The following ZNF804A variants were observed in gnomAD, a reference collection of about 807,000 sequenced individuals.
The protein encoded by ZNF804A is zinc finger protein 804A.
A neutral mutation model predicts 16.5 loss-of-function variants in ZNF804A; 2 were observed. The observed-to-expected ratio is 0.12, with a 90% CI of 0.05 to 0.38. The LOEUF (loss-of-function observed/expected upper bound fraction) is 0.38, where lower values mean the gene tolerates loss of function less well. Among genes scored for constraint, ZNF804A ranks in the 10% least tolerant of loss-of-function variants. The pLI, the probability that ZNF804A is intolerant of heterozygous loss-of-function variation, is 0.99. For missense variants in ZNF804A, 1,473 were observed against 1,390.7 expected (o/e 1.06, Z -0.94); for synonymous variants, 534 against 489.6 (o/e 1.09, Z -1.20).
intron 1 of ZNF804A, among the ~76,000 whole-genome samples, chr2:184,661,604 C>T (rs1428111244): frequency 6.6e-6 from 1 of 152,104 alleles, no homozygotes; most frequent in Non-Finnish European, 1.5e-5. Flanking sequence ...AAGCACCATT[C>T]AATTGGTTAA....
At chr2:184,685,014 C>T (rs1692605275) in intron 1 of ZNF804A, among the ~76,000 whole-genome samples, 2 of 152,202 alleles carry the variant, frequency 1.3e-5, no homozygotes, top group Admixed American at 6.5e-5. Context: ...CCACCAGGCT[C>T]CTCTCAGCTC....
intron 1 of ZNF804A, among the ~76,000 whole-genome samples, chr2:184,760,576 A>T (rs1222211829): frequency 6.6e-6 from 1 of 152,116 alleles, no homozygotes; most frequent in Non-Finnish European, 1.5e-5. Context: ...GGCCAAACAT[A>T]TGGTAGCATA....
chr2:184,637,458 TTC>T (rs1411320952), intron 1 of ZNF804A, among the ~76,000 whole-genome samples: 2 of 152,204 alleles, frequency 1.3e-5, no homozygotes, highest in Non-Finnish European at 2.9e-5. Flanking sequence ...AAAAGATGTT[TTC>T]TGTTTAACGA....
chr2:184,644,393 A>T (rs1056742230), intron 1 of ZNF804A, among the ~76,000 whole-genome samples: 1 of 151,774 alleles, frequency 6.6e-6, no homozygotes, highest in Non-Finnish European at 1.5e-5. Context: ...GTGTTTTAGT[A>T]ATTTTTTAAA....
chr2:184,886,920 G>A (rs1216281655), intron 2 of ZNF804A, among the ~76,000 whole-genome samples: 1 of 152,204 alleles, frequency 6.6e-6, no homozygotes, highest in Non-Finnish European at 1.5e-5. Flanking sequence ...TTTCCCCATG[G>A]TTTTTGGGAT....
At chr2:184,896,986 G>C (rs1685079352) in intron 2 of ZNF804A, among the ~76,000 whole-genome samples, 1 of 151,946 alleles carries the variant, frequency 6.6e-6, no homozygotes, top group South Asian at 2.1e-4. Flanking sequence ...TTTATTGGTT[G>C]CTTAATGTTA....
At chr2:184,850,158 A>T (rs1233252332) in intron 1 of ZNF804A, among the ~76,000 whole-genome samples, 1 of 151,844 alleles carries the variant, frequency 6.6e-6, no homozygotes, top group Non-Finnish European at 1.5e-5. Context: ...ATTTGATAGC[A>T]CAACAGGATG....
At chr2:184,890,187 C>A (rs910272907) in intron 2 of ZNF804A, among the ~76,000 whole-genome samples, 1 of 152,056 alleles carries the variant, frequency 6.6e-6, no homozygotes, top group Non-Finnish European at 1.5e-5. Context: ...AAAAAAACTT[C>A]TTTTTATAGC....
chr2:184,838,233 A>G (rs1008187070), intron 1 of ZNF804A, among the ~76,000 whole-genome samples: 1 of 152,220 alleles, frequency 6.6e-6, no homozygotes, highest in East Asian at 1.9e-4. Context: ...ATTAGAACCC[A>G]TTATTATCAG....
At chr2:184,661,676 C>T (rs1218295324) in intron 1 of ZNF804A, among the ~76,000 whole-genome samples, 2 of 152,152 alleles carry the variant, frequency 1.3e-5, no homozygotes, top group African/African-American at 4.8e-5. Context: ...TGGAAGTTCT[C>T]ACTTTGGTCA....
Position 184,933,687 on chromosome 2 carries a change from C to G in ZNF804A, c.340C>G (p.Leu114Val). 2 of 1,610,076 alleles carry G rather than the reference C, an allele frequency of 1.2e-6. No individual in the cohort carries two copies. Among genetic ancestry groups the G allele is most frequent in the Non-Finnish European group, 1.7e-6 (2 of 1,178,584 alleles). The change falls in exon 3 of 4, where the codon CTC (leucine) becomes GTC (valine). Residue 114 changes from leucine (L) to valine (V), a missense_variant. Transcript: ENST00000302277. ...RKDERKQEKA[L>V]QRLHKLAELR... ...AGATGAAAGAAAACAGGAAAAGGCA[C>G]TCCAACGCCTGCACAAGCTGGCTGA...
At chr2:184,812,520 G>T (rs903303081) in intron 1 of ZNF804A, among the ~76,000 whole-genome samples, 4 of 152,140 alleles carry the variant, frequency 2.6e-5, no homozygotes, top group Admixed American at 6.5e-5. Flanking sequence ...GAAGATCACA[G>T]AGGAAAAGCG....
intron 1 of ZNF804A, among the ~76,000 whole-genome samples, chr2:184,603,032 A>T (rs923644624): frequency 6.6e-6 from 1 of 152,176 alleles, no homozygotes; most frequent in Non-Finnish European, 1.5e-5. Flanking sequence ...CATCCTCCAC[A>T]TGCAAATATC....
At chr2:184,852,582 A>T (rs75535815) in intron 1 of ZNF804A, among the ~76,000 whole-genome samples, 1 of 150,026 alleles carries the variant, frequency 6.7e-6, no homozygotes, top group African/African-American at 2.4e-5. Flanking sequence ...TTACAGTGTC[A>T]GGGCTTATGC....
At chr2:184,628,227 A>G (rs1324263961) in intron 1 of ZNF804A, among the ~76,000 whole-genome samples, 2 of 152,126 alleles carry the variant, frequency 1.3e-5, no homozygotes, top group Admixed American at 6.6e-5. Context: ...AGGCAGGATA[A>G]TCGCTTGAAC....
At position 184,935,968 on chromosome 2, in the gene ZNF804A, A is replaced by G; in HGVS notation, c.572A>G (p.Asn191Ser). The G allele has an allele frequency of 6.2e-7, 1 of 1,613,992 alleles. No individual in the cohort carries two copies. The highest frequency in any genetic ancestry group is 8.5e-7 in the Non-Finnish European group (1 of 1,179,938). The change falls in exon 4 of 4, where the codon AAT becomes AGT. Residue 191 changes from asparagine to serine, a missense_variant. Physicochemically the swap from Asn to Ser is conservative, Grantham distance 46. Transcript: ENST00000302277. ...GTTGCTGAAGATCCAGAAAGTGCAAATAATTATACAGCAAAAAATAACCAA... is the reference window on the plus strand; with the variant it reads ...GTTGCTGAAGATCCAGAAAGTGCAAGTAATTATACAGCAAAAAATAACCAA... ...TTVAEDPESA[N>S]NYTAKNNQVG...
chr2:184,758,294 A>G lies in ZNF804A; in HGVS notation c.112-108075A>G, dbSNP rs530910184. Among the ~76,000 whole-genome samples the G allele has an allele frequency of 5.3e-5, 8 of 152,104 alleles. No individual in the cohort carries two copies. In the East Asian group the frequency reaches 1.4e-3, roughly 26 times the overall value. ...TAGGTAATATAAAAATGTTCTGATGATACAAATAAATATCAATAATGGCAC... is the reference window on the plus strand; with the variant it reads ...TAGGTAATATAAAAATGTTCTGATGGTACAAATAAATATCAATAATGGCAC... On this transcript the variant is annotated intron_variant, in intron 1 of 3. Transcript: ENST00000302277.
chr2:184,691,784 T>A (rs1574164961), intron 1 of ZNF804A, among the ~76,000 whole-genome samples: 1 of 151,918 alleles, frequency 6.6e-6, no homozygotes, highest in East Asian at 1.9e-4. Flanking sequence ...TAGTATTTAT[T>A]ATTTATATTT....
chr2:184,653,620 G>T (rs950689619), intron 1 of ZNF804A, among the ~76,000 whole-genome samples: 1 of 152,178 alleles, frequency 6.6e-6, no homozygotes, highest in African/African-American at 2.4e-5. Context: ...CATACTTCTG[G>T]AGACTTGCAT....
Sources: allele counts gnomAD v4.1 joint callset (sites outside exome capture counted in the v4.1 genomes callset), GRCh38; gene constraint gnomAD v4.1.1; transcripts MANE v1.5; gene names NCBI Gene and HGNC (gene_info 2026-07-23, HGNC 2026-07-21).